Variants in TRPM3 observed in about 807,000 individuals in gnomAD.
TRPM3 encodes the protein transient receptor potential cation channel subfamily M member 3, also known as long transient receptor potential channel 3.
TRPM3 carries 77 observed loss-of-function variants against 181.2 expected under a neutral mutation model. That is an observed-to-expected ratio of 0.42 (90% CI 0.35 to 0.51). The LOEUF is 0.51. Among genes scored for constraint, TRPM3 ranks in the 20% least tolerant of loss-of-function variants. The pLI is 0.01. For missense variants in TRPM3, 1,759 were observed against 2,196.7 expected (o/e 0.80, Z 3.98); for synonymous variants, 745 against 796.4 (o/e 0.94, Z 1.09).
chr9:70,605,829 G>C (rs912329406), intron 19 of TRPM3, among the ~76,000 whole-genome samples: 3 of 152,132 alleles, frequency 2.0e-5, no homozygotes, highest in Non-Finnish European at 4.4e-5. Flanking sequence ...AACTGCCCTG[G>C]TTTTATCATT....
rs375253016 is a variant in TRPM3 at position 70,913,828 on chromosome 9, A to G, written c.178-49317T>C. Reference sequence around the variant, plus strand: ...TGGCTTGTCCATTAGTCTTGAAAACATAAAAATTGCTAAGCATACAGGTTC... The same window carrying G: ...TGGCTTGTCCATTAGTCTTGAAAACGTAAAAATTGCTAAGCATACAGGTTC... On this transcript the variant is annotated intron_variant, in intron 1 of 25. Transcript: ENST00000677713. Among the ~76,000 whole-genome samples, 53 of 152,336 alleles carry G rather than the reference A, an allele frequency of 3.5e-4. No individual in the cohort carries two copies. The East Asian group carries it at 5.4e-3, about 16-fold the overall frequency.
intron 19 of TRPM3, among the ~76,000 whole-genome samples, chr9:70,608,316 G>C (rs1385081246): frequency 6.6e-6 from 1 of 152,198 alleles, no homozygotes; most frequent in African/African-American, 2.4e-5. Flanking sequence ...GAGTCTGCCT[G>C]TGTTCCAATT....
chr9:71,427,734 C>A (rs2093889089), intron 1 of TRPM3, among the ~76,000 whole-genome samples: 1 of 152,050 alleles, frequency 6.6e-6, no homozygotes, highest in South Asian at 2.1e-4. Flanking sequence ...AAGATGGAAA[C>A]AGTAGATGCT....
chr9:70,694,961 C>G (rs563985609), intron 8 of TRPM3, among the ~76,000 whole-genome samples: 47 of 152,206 alleles, frequency 3.1e-4, no homozygotes, highest in Non-Finnish European at 6.2e-4. Flanking sequence ...CTAAGTGTCA[C>G]GTGACAACCC....
chr9:70,643,920 G>A (rs139690020), intron 9 of TRPM3, among the ~76,000 whole-genome samples: 308 of 152,308 alleles, frequency 2.0e-3, no homozygotes, highest in African/African-American at 6.7e-3. Flanking sequence ...CAAAGATACT[G>A]ATTTCATGCC....
At chr9:71,429,837 C>T (rs960584407) in intron 1 of TRPM3, among the ~76,000 whole-genome samples, 5 of 152,206 alleles carry the variant, frequency 3.3e-5, no homozygotes, top group Admixed American at 6.5e-5. Flanking sequence ...GCTCTAGCCT[C>T]TTTGGCTGCC....
intron 1 of TRPM3, among the ~76,000 whole-genome samples, chr9:71,387,539 A>C (rs911394633): frequency 1.3e-5 from 2 of 152,206 alleles, no homozygotes; most frequent in Non-Finnish European, 2.9e-5. Context: ...TCTTCATGAA[A>C]AGGAATGTTA....
At chr9:71,152,449 A>C (rs1007623215) in intron 1 of TRPM3, among the ~76,000 whole-genome samples, 1 of 152,182 alleles carries the variant, frequency 6.6e-6, no homozygotes, top group African/African-American at 2.4e-5. Context: ...ATTGGACTAC[A>C]AATACAGTTT....
chr9:71,244,257 G>A (rs1333209153), intron 1 of TRPM3, among the ~76,000 whole-genome samples: 1 of 152,128 alleles, frequency 6.6e-6, no homozygotes, highest in African/African-American at 2.4e-5. Context: ...TCAGAGGGAG[G>A]CCAGAGTAGA....
In TRPM3 at chr9:70,591,223, C is replaced by T; in HGVS notation, c.3049-18G>A. The T allele has an allele frequency of 6.2e-7, 1 of 1,607,868 alleles. No individual in the cohort carries two copies. The highest frequency in any genetic ancestry group is 8.5e-7 in the Non-Finnish European group (1 of 1,174,526). On this transcript the variant is annotated intron_variant, in intron 21 of 25. Transcript: ENST00000677713. ...TCTATCATCTGGAAGGGTGGGGAAG[C>T]AGAGGGAGAAACAAGAGAAAACCCA...
In TRPM3 at chr9:70,562,818, A is replaced by G. The variant is rs923123785; in HGVS notation, c.3224-9508T>C. 3.9e-5 allele frequency among the ~76,000 whole-genome samples: 6 copies of G among 152,210 alleles called. No homozygotes were observed. The East Asian group carries it at 1.2e-3, about 29-fold the overall frequency. On this transcript the variant is annotated intron_variant, in intron 22 of 25. Coordinates refer to ENST00000677713, the MANE Select transcript of TRPM3 (RefSeq NM_001366145.2). ...CAGGAATTAATATCAGAAATATTTT[A>G]TGCAAATCTTGCCTTGGAAGAATAT...
chr9:71,395,029 C>G (rs2093157232), intron 1 of TRPM3, among the ~76,000 whole-genome samples: 1 of 152,152 alleles, frequency 6.6e-6, no homozygotes. Context: ...ATTTAGTACT[C>G]AAAAGCCAGG....
At chr9:71,439,978 C>T (rs2094112028) in intron 1 of TRPM3, among the ~76,000 whole-genome samples, 1 of 152,002 alleles carries the variant, frequency 6.6e-6, no homozygotes, top group Non-Finnish European at 1.5e-5. Flanking sequence ...AAAAAATTAG[C>T]CGGGCATGGT....
intron 5 of TRPM3, among the ~76,000 whole-genome samples, chr9:70,829,506 T>C (rs932245554): frequency 2.6e-5 from 4 of 152,212 alleles, no homozygotes; most frequent in Admixed American, 2.6e-4. Flanking sequence ...TATATAATTC[T>C]GAGCTTCTGA....
chr9:70,983,883 T>G (rs1448478269), intron 1 of TRPM3, among the ~76,000 whole-genome samples: 2 of 152,200 alleles, frequency 1.3e-5, no homozygotes, highest in Non-Finnish European at 2.9e-5. Flanking sequence ...CCAGAGACAG[T>G]AGTTTGACTT....
At chr9:71,042,681 T>C (rs951855389) in intron 1 of TRPM3, among the ~76,000 whole-genome samples, 5 of 152,220 alleles carry the variant, frequency 3.3e-5, no homozygotes, top group Non-Finnish European at 5.9e-5. Context: ...TAATCAGCAG[T>C]AGAAGTTTCT....
intron 1 of TRPM3, among the ~76,000 whole-genome samples, chr9:71,253,330 C>G (rs2082466459): frequency 6.6e-6 from 1 of 152,024 alleles, no homozygotes; most frequent in Non-Finnish European, 1.5e-5. Flanking sequence ...CAGTAACTAT[C>G]AGGGGAATTT....
At chr9:71,229,123 C>A (rs2080882749) in intron 1 of TRPM3, among the ~76,000 whole-genome samples, 1 of 152,018 alleles carries the variant, frequency 6.6e-6, no homozygotes, top group Non-Finnish European at 1.5e-5. Context: ...AACAGATGCA[C>A]AGACCAATGG....
intron 1 of TRPM3, among the ~76,000 whole-genome samples, chr9:71,304,816 T>G (rs916537845): frequency 6.6e-6 from 1 of 152,204 alleles, no homozygotes; most frequent in East Asian, 1.9e-4. Flanking sequence ...GAACAGATTA[T>G]GTTTTACTGG....
Sources: allele counts gnomAD v4.1 joint callset (sites outside exome capture counted in the v4.1 genomes callset), GRCh38; gene constraint gnomAD v4.1.1; transcripts MANE v1.5; gene names NCBI Gene and HGNC (gene_info 2026-07-23, HGNC 2026-07-21).